CBFB: variants seen among roughly 807,000 people sequenced by gnomAD.
CBFB encodes CBF-beta.
In CBFB, 9 loss-of-function variants were observed where a neutral mutation model predicts 30.4. The ratio of observed to expected loss-of-function variants is 0.30; its 90% confidence interval spans 0.18 to 0.52. The LOEUF is 0.52. CBFB is among the 20% of genes least tolerant of loss of function. CBFB has a pLI of 0.97. For missense variants in CBFB, 170 were observed against 244.0 expected (o/e 0.70, Z 2.02); for synonymous variants, 94 against 84.0 (o/e 1.12, Z -0.65).
At chr16:67,049,627 A>G (rs1966704150) in intron 3 of CBFB, among the ~76,000 whole-genome samples, 1 of 151,186 alleles carries the variant, frequency 6.6e-6, no homozygotes, top group Non-Finnish European at 1.5e-5. Flanking sequence ...GACTGTAGGC[A>G]CATGCCACCG....
At chr16:67,069,560 C>A (rs116667605) in intron 4 of CBFB, among the ~76,000 whole-genome samples, 150 of 152,196 alleles carry the variant, frequency 9.9e-4, no homozygotes, top group African/African-American at 3.5e-3. Flanking sequence ...GTTGAAGATA[C>A]ATTTTAAGAA....
At chr16:67,035,160 T>C (rs1301951718) in intron 2 of CBFB, among the ~76,000 whole-genome samples, 1 of 152,052 alleles carries the variant, frequency 6.6e-6, no homozygotes, top group African/African-American at 2.4e-5. Context: ...GCTGACTGCA[T>C]GCAACCTCTG....
intron 2 of CBFB, among the ~76,000 whole-genome samples, chr16:67,032,123 A>G (rs1224227246): frequency 6.6e-6 from 1 of 152,218 alleles, no homozygotes; most frequent in African/African-American, 2.4e-5. Context: ...CCCATAGGAT[A>G]TCTGAAATGC....
At chr16:67,081,770 T>G (rs1477086616) in intron 4 of CBFB, among the ~76,000 whole-genome samples, 1 of 152,022 alleles carries the variant, frequency 6.6e-6, no homozygotes, top group Non-Finnish European at 1.5e-5. Context: ...GAGCTATGAT[T>G]CCACCACTGC....
chr16:67,092,781 C>T (rs11859579), intron 5 of CBFB, among the ~76,000 whole-genome samples: 2,954 of 130,464 alleles, frequency 0.023, 95 homozygotes, highest in African/African-American at 0.077. Flanking sequence ...GGCCAGATCT[C>T]GGCTCACTGA....
At chr16:67,077,233 T>C (rs550305183) in intron 4 of CBFB, among the ~76,000 whole-genome samples, 41 of 152,344 alleles carry the variant, frequency 2.7e-4, no homozygotes, top group African/African-American at 9.6e-4. Context: ...TTCAGTATAA[T>C]GACCTTGCAA....
In CBFB at chr16:67,100,675, A is replaced by G. The variant is rs947679208; in HGVS notation, c.*1897A>G. Reference sequence around the variant, plus strand: ...ACATGATGATGGTACATTTTCCTCTATTGTCTAGCTAAGGGCTTTCGGTCC... The same window carrying G: ...ACATGATGATGGTACATTTTCCTCTGTTGTCTAGCTAAGGGCTTTCGGTCC... On this transcript the variant is annotated 3_prime_UTR_variant, in exon 6 of 6. Transcript: ENST00000412916. The G allele has an allele frequency of 5.5e-5, 12 of 219,298 alleles. No homozygotes were observed. The highest frequency in any genetic ancestry group is 1.1e-4 in the African/African-American group (5 of 44,562). The allele number at this position is 219,298 out of a possible 1,614,324, so 13.6% of individuals were successfully genotyped here.
At chr16:67,063,777 G>A (rs1960976812) in intron 3 of CBFB, among the ~76,000 whole-genome samples, 1 of 152,010 alleles carries the variant, frequency 6.6e-6, no homozygotes. Flanking sequence ...TATCTCAGAG[G>A]TAATTTTTTT....
At chr16:67,072,549 C>T (rs750549449) in intron 4 of CBFB, among the ~76,000 whole-genome samples, 5 of 152,056 alleles carry the variant, frequency 3.3e-5, no homozygotes, top group Admixed American at 1.3e-4. Flanking sequence ...TCACCTCAAC[C>T]TCCGCCTCCT....
intron 4 of CBFB, among the ~76,000 whole-genome samples, chr16:67,073,351 ATGATTCTTC>A (rs1961288311): frequency 6.6e-6 from 1 of 152,150 alleles, no homozygotes; most frequent in South Asian, 2.1e-4. Context: ...GTCTCTATTT[ATGATTCTTC>A]TGAAAATTTT....
In CBFB at chr16:67,089,777, A is replaced by G. The variant is rs60112232; in HGVS notation, c.495+7469A>G. ...CAAGGTTTTGCATCCCGGCTCCACT[A>G]CTTGTTGCCATATAGCATTGAGAAA... is the stretch of plus-strand genomic sequence containing the variant. On this transcript the variant is annotated intron_variant, in intron 5 of 5. Coordinates refer to ENST00000412916, the MANE Select transcript of CBFB (RefSeq NM_022845.3). Among the ~76,000 whole-genome samples the G allele has an allele frequency of 3.0e-3, 464 of 152,182 alleles. 7 individuals are homozygous for G. The highest frequency in any genetic ancestry group is 0.011 in the African/African-American group (437 of 41,492).
chr16:67,050,966 TTCAC>T (rs1232458691), intron 3 of CBFB, among the ~76,000 whole-genome samples: 1 of 152,190 alleles, frequency 6.6e-6, no homozygotes, highest in African/African-American at 2.4e-5. Context: ...AAAGAGATGA[TTCAC>T]CTCTCTGGAG....
chr16:67,042,031 C>T (rs907243819), intron 3 of CBFB, among the ~76,000 whole-genome samples: 1 of 151,902 alleles, frequency 6.6e-6, no homozygotes, highest in Non-Finnish European at 1.5e-5. Flanking sequence ...CCTCAGCCTC[C>T]TGTGTAGCTG....
chr16:67,075,197 A>ATATGTGTGTGTG (rs369475383), intron 4 of CBFB, among the ~76,000 whole-genome samples: 2,954 of 142,724 alleles, frequency 0.021, 44 homozygotes, highest in Middle Eastern at 0.043. Flanking sequence ...CTCAAAAAAA[A>ATATGTGTGTGTG]TGTGTGTGTG....
Position 67,029,316 on chromosome 16 carries a change from G to A in CBFB, c.-92G>A, listed in dbSNP as rs1966285828. The A allele has an allele frequency of 5.8e-6, 5 of 861,024 alleles. 1 individual carries two copies. Among genetic ancestry groups the A allele is most frequent in the Non-Finnish European group, 7.8e-6 (5 of 639,960 alleles). 53.3% of individuals were successfully genotyped at this position (861,024 alleles called of 1,614,324 possible). A position where few individuals can be genotyped will look rare whatever the true frequency, so the allele number is the denominator to read the frequency against. ...GGGAAGCGGGCGTCCGGGCGCCGCG[G>A]GTGGGCGGTCAGTCGGTCAGCGCGG... On this transcript the variant is annotated 5_prime_UTR_variant, in exon 1 of 6. Transcript: ENST00000412916.
At chr16:67,071,827 A>G (rs1961229998) in intron 4 of CBFB, among the ~76,000 whole-genome samples, 1 of 152,108 alleles carries the variant, frequency 6.6e-6, no homozygotes, top group Non-Finnish European at 1.5e-5. Flanking sequence ...AGCATTTTAT[A>G]CTTAGGGTTT....
chr16:67,030,808 C>T (rs994572983), intron 2 of CBFB, among the ~76,000 whole-genome samples: 1 of 152,172 alleles, frequency 6.6e-6, no homozygotes, highest in Non-Finnish European at 1.5e-5. Flanking sequence ...CCTTGTTGGC[C>T]AAGCTGGCCT....
At chr16:67,086,184 C>T (rs1961728228) in intron 5 of CBFB, among the ~76,000 whole-genome samples, 1 of 152,130 alleles carries the variant, frequency 6.6e-6, no homozygotes, top group Admixed American at 6.6e-5. Flanking sequence ...CCACACCATG[C>T]CCTTTCTTTC....
intron 5 of CBFB, among the ~76,000 whole-genome samples, chr16:67,095,000 C>T (rs1961999395): frequency 6.6e-6 from 1 of 151,500 alleles, no homozygotes; most frequent in African/African-American, 2.4e-5. Context: ...AGAGGATCAC[C>T]TGAGGTCAGG....
Sources: allele counts gnomAD v4.1 joint callset (sites outside exome capture counted in the v4.1 genomes callset), GRCh38; gene constraint gnomAD v4.1.1; transcripts MANE v1.5; gene names NCBI Gene and HGNC (gene_info 2026-07-23, HGNC 2026-07-21).